The following AMOT variants were observed in gnomAD, a reference collection of about 807,000 sequenced individuals.
The protein encoded by AMOT is angiomotin.
In AMOT, 11 loss-of-function variants were observed where a neutral mutation model predicts 67.0. The observed-to-expected ratio is 0.16, with a 90% CI of 0.10 to 0.27. The LOEUF is 0.27. Among genes scored for constraint, AMOT ranks in the 10% least tolerant of loss-of-function variants. AMOT has a pLI of 1.00. For synonymous variants in AMOT, 326 were observed against 321.4 expected, an observed-to-expected ratio of 1.01 and a Z score of -0.15; for missense variants, 753 against 852.0, an observed-to-expected ratio of 0.88 and a Z score of 1.45.
intron 12 of AMOT, 137 bp downstream of exon 12, chrX:112,780,749 G>GAA: frequency 3.3e-6 from 2 of 603,085 alleles, no homozygotes; most frequent in Non-Finnish European, 5.0e-6. Context: ...GTCTCAGGAG[G>GAA]AAAAAAAAAC....
chrX:112,819,545 A>G (rs977989635), intron 4 of AMOT: 11 of 257,204 alleles, frequency 4.3e-5, no homozygotes, highest in Non-Finnish European at 6.0e-5. Flanking sequence ...ATAAACAGAA[A>G]TGATTTAATT....
At chrX:112,828,416 T>C (rs1310653094) in intron 2 of AMOT, among the ~76,000 whole-genome samples, 1 of 105,069 alleles carries the variant, frequency 9.5e-6, no homozygotes, top group African/African-American at 3.5e-5. Context: ...TTAAGGGAAT[T>C]AATCCATGTA....
At chrX:112,800,492 C>T (rs1832918382) in intron 8 of AMOT, among the ~76,000 whole-genome samples, 1 of 111,676 alleles carries the variant, frequency 9.0e-6, no homozygotes, top group Non-Finnish European at 1.9e-5. Flanking sequence ...AATCTATAAT[C>T]CATCAAAACA....
chrX:112,819,214 G>A lies in AMOT; in HGVS notation c.872+3041C>T, dbSNP rs150917127. 608 of 277,046 alleles carry A rather than the reference G, an allele frequency of 2.2e-3. 2 individuals are homozygous for A. The highest frequency in any genetic ancestry group is 0.017 in the African/African-American group (570 of 33,830). The allele number at this position is 277,046 out of a possible 1,213,427, so 22.8% of individuals were successfully genotyped here. ...CCCAGCCACACACACATGCACACAT[G>A]TGCATGCACACACACACTCCACACT... On this transcript the variant is annotated intron_variant, in intron 4 of 13. Coordinates refer to ENST00000371959, the MANE Select transcript of AMOT (RefSeq NM_001113490.2).
At chrX:112,813,298 T>G (rs1934429492) in intron 5 of AMOT, among the ~76,000 whole-genome samples, 1 of 111,690 alleles carries the variant, frequency 9.0e-6, no homozygotes, top group Non-Finnish European at 1.9e-5. Flanking sequence ...CACAGAAGGA[T>G]ATATCCACTG....
chrX:112,809,983 C>A lies in AMOT; in HGVS notation c.1541G>T (p.Arg514Leu). ...AAGCTGCTTGTTGGCAGTCTCTAGA[C>A]GCTCTGTGAAATTTGGAGACAATCA... ...MHDFNRDLRERLETANKQLAE... is the reference protein window; with the variant it reads ...MHDFNRDLRELLETANKQLAE... The change falls in exon 7 of 14, where the codon CGT (arginine) becomes CTT (leucine). Residue 514 changes from arginine (R) to leucine (L), a missense_variant. This residue lies in a region of AMOT where 297 missense variants were observed against 284.3 expected (regional missense o/e 1.04). Coordinates refer to ENST00000371959, the MANE Select transcript of AMOT (RefSeq NM_001113490.2). 2.5e-6 allele frequency: 3 copies of A among 1,206,787 alleles called. No individual in the cohort carries two copies. Among genetic ancestry groups the A allele is most frequent in the Non-Finnish European group, 3.4e-6 (3 of 891,790 alleles).
chrX:112,780,980 A>G lies in AMOT; in HGVS notation c.2379T>C (p.Asn793=), dbSNP rs370882819. Reference sequence around the variant, plus strand: ...AGTGGGAGAGCAAGCCTGATCCAGCATTGGAAATGGACATCAGAGACTTCG... The same window carrying G: ...AGTGGGAGAGCAAGCCTGATCCAGCGTTGGAAATGGACATCAGAGACTTCG... ...RPAKSLMSIS[N]AGSGLLSHSS... The change falls in exon 12 of 14, where the codon AAT becomes AAC. Residue 793 remains asparagine (N), a synonymous_variant. Transcript: ENST00000371959. 4.0e-5 allele frequency: 49 copies of G among 1,210,342 alleles called. No individual in the cohort carries two copies. The highest frequency in any genetic ancestry group is 5.2e-5 in the Non-Finnish European group (47 of 895,338).
intron 2 of AMOT, among the ~76,000 whole-genome samples, chrX:112,831,426 T>C (rs764458127): frequency 9.4e-6 from 1 of 106,435 alleles, no homozygotes; most frequent in South Asian, 4.2e-4. Flanking sequence ...GACATTGTGC[T>C]AGGTAAGGCC....
In AMOT at chrX:112,829,220, C is replaced by G. The variant is rs771193336; in HGVS notation, c.-212+3074G>C. 3.6e-5 allele frequency among the ~76,000 whole-genome samples: 4 copies of G among 111,636 alleles called. No homozygotes were observed. The Admixed American group carries it at 3.8e-4, about 11-fold the overall frequency. ...TATAGTTTGGATGTGTGTCCCTGCC[C>G]AAATCTCATGTTGAATTGTGAGGTT... On this transcript the variant is annotated intron_variant, in intron 2 of 13. Coordinates refer to ENST00000371959, the MANE Select transcript of AMOT (RefSeq NM_001113490.2).
chrX:112,829,099 G>A (rs1226178320), intron 2 of AMOT, among the ~76,000 whole-genome samples: 1 of 111,849 alleles, frequency 8.9e-6, no homozygotes, highest in Non-Finnish European at 1.9e-5. Flanking sequence ...TACCAGCTTG[G>A]CATTTGCTCT....
chrX:112,813,820 T>A (rs1391998895), intron 5 of AMOT, among the ~76,000 whole-genome samples: 1 of 111,932 alleles, frequency 8.9e-6, no homozygotes, highest in Admixed American at 9.5e-5. Flanking sequence ...ATAATTAATT[T>A]ATTTCACCAA....
rs199889611 is a variant in AMOT at position 112,815,498 on chromosome X, C to T, written c.1252G>A (p.Ala418Thr). The change falls in exon 5 of 14, where the codon GCT becomes ACT. Residue 418 changes from alanine to threonine, a missense_variant. By Grantham distance (58) the Ala-to-Thr change is moderately conservative. Transcript: ENST00000371959. ...TCTGCTGGCACTGGCTGATAAGAAG[C>T]AGAGGATGGCTGAGCCCGAGGCATA... ...SAMPRAQPSSASYQPVPADPF... is the reference protein window; with the variant it reads ...SAMPRAQPSSTSYQPVPADPF... 8.3e-7 allele frequency: 1 copy of T among 1,211,490 alleles called. No homozygotes were observed. The highest frequency in any genetic ancestry group is 1.1e-6 in the Non-Finnish European group (1 of 895,529).
chrX:112,805,078 G>T lies in AMOT; in HGVS notation c.1645C>A (p.Arg549Ser), dbSNP rs187297286. The T allele has an allele frequency of 5.8e-6, 7 of 1,211,221 alleles. No individual in the cohort carries two copies. In the Admixed American group the frequency reaches 6.5e-5, roughly 11 times the overall value. ...QLFAKNKESQREKEKLEAELA... is the reference protein window; with the variant it reads ...QLFAKNKESQSEKEKLEAELA... ...TCCGCTTCCAGCTTCTCCTTCTCAC[G>T]CTGGCTTTCTTTATCTGTCAGGACA... Residue 549 changes from arginine to serine, a missense_variant, in exon 8 of 14, where the codon CGT becomes AGT. By Grantham distance (110) the Arg-to-Ser change is moderately radical. Around this residue, in one of 5 missense-constraint regions of AMOT, gnomAD observed 297 missense variants for 284.3 expected, o/e 1.04. Transcript: ENST00000371959.
chrX:112,789,617 C>T (rs1353980738), intron 10 of AMOT, among the ~76,000 whole-genome samples: 4 of 111,134 alleles, frequency 3.6e-5, no homozygotes, highest in African/African-American at 1.3e-4. Context: ...ATCCACTGCC[C>T]ACTCCACATA....
At chrX:112,838,447 T>C (rs1200604228) in intron 1 of AMOT, among the ~76,000 whole-genome samples, 1 of 111,877 alleles carries the variant, frequency 8.9e-6, no homozygotes, top group Admixed American at 9.5e-5. Context: ...CCACTTAGAA[T>C]TCTGGCACTC....
chrX:112,797,019 T>C (rs935474441), intron 8 of AMOT, among the ~76,000 whole-genome samples: 2 of 112,030 alleles, frequency 1.8e-5, no homozygotes, highest in Admixed American at 9.4e-5. Flanking sequence ...GAGATCTCCT[T>C]TGTGCCACAC....
At chrX:112,812,855 A>T (rs111736046) in intron 5 of AMOT, among the ~76,000 whole-genome samples, 1 of 112,286 alleles carries the variant, frequency 8.9e-6, no homozygotes, top group African/African-American at 3.2e-5. Context: ...TCTGCCAGAG[A>T]CAGGACTGCC....
At position 112,780,721 on chromosome X, in the gene AMOT, C is replaced by T. The variant is rs146184857; in HGVS notation, c.2473+165G>A. 4.6e-3 allele frequency: 2,203 copies of T among 480,354 alleles called. 51 individuals carry two copies. The African/African-American group carries it at 0.048, about 10-fold the overall frequency. The allele number at this position is 480,354 out of a possible 1,213,427, so 39.6% of individuals were successfully genotyped here. On this transcript the variant is annotated intron_variant, in intron 12 of 13. Coordinates refer to ENST00000371959, the MANE Select transcript of AMOT (RefSeq NM_001113490.2). Reference sequence around the variant, plus strand: ...GGAGACTTCAAAGTGTGGAGGAGCTCCAGAATGTGGAACTAGGGTCTCAGG... The same window carrying T: ...GGAGACTTCAAAGTGTGGAGGAGCTTCAGAATGTGGAACTAGGGTCTCAGG...
rs1935273870 is a variant in AMOT at position 112,840,780 on chromosome X, G to C, written c.-617C>G. Reference sequence around the variant, plus strand: ...AGTTTAGGCAGCCAGAAAGCTCCTCGGAAGGAAGGGGCGTGACTGCCAAGG... The same window carrying C: ...AGTTTAGGCAGCCAGAAAGCTCCTCCGAAGGAAGGGGCGTGACTGCCAAGG... On this transcript the variant is annotated 5_prime_UTR_variant, in exon 1 of 14. Transcript: ENST00000371959. The C allele has an allele frequency of 1.8e-5, 2 of 113,119 alleles. No homozygotes were observed. The highest frequency in any genetic ancestry group is 3.7e-5 in the Non-Finnish European group (2 of 53,421). The allele number at this position is 113,119 out of a possible 1,213,427, so 9.3% of individuals were successfully genotyped here.
Sources: gnomAD v4.1 joint callset for allele counts (sites outside exome capture counted in the v4.1 genomes callset) on GRCh38, gnomAD v4.1.1 for gene constraint, gnomAD v4.1.1 regional missense constraint, MANE v1.5 for transcripts, NCBI Gene and HGNC (gene_info 2026-07-23, HGNC 2026-07-21) for gene names.